The following SBF1 variants were observed in gnomAD, a reference collection of about 807,000 sequenced individuals.
SBF1 encodes the protein SET binding factor 1, also known as myotubularin-related protein 5.
Under a neutral mutation model 215.8 loss-of-function variants are expected in SBF1, and 65 were observed. That is an observed-to-expected ratio of 0.30 (90% CI 0.25 to 0.37). The LOEUF (loss-of-function observed/expected upper bound fraction) is 0.37. SBF1 is among the 10% of genes least tolerant of loss of function. SBF1 has a pLI of 1.00. For missense variants in SBF1, 2,634 were observed against 2,667.8 expected, an observed-to-expected ratio of 0.99 and a Z score of 0.28; for synonymous variants, 1,410 against 1,122.8, an observed-to-expected ratio of 1.26 and a Z score of -5.11.
At chr22:50,473,616 G>C (rs547690196) in intron 1 of SBF1, among the ~76,000 whole-genome samples, 68 of 152,298 alleles carry the variant, frequency 4.5e-4, no homozygotes, top group African/African-American at 1.4e-3. Flanking sequence ...AGAGGCTTCA[G>C]GAAGTGTAGG....
At chr22:50,468,763 T>G (rs2067886321) in intron 1 of SBF1, among the ~76,000 whole-genome samples, 1 of 151,860 alleles carries the variant, frequency 6.6e-6, no homozygotes, top group Non-Finnish European at 1.5e-5. Context: ...AGGTCAACAC[T>G]TCGGGACTGT....
Position 50,474,928 on chromosome 22 carries a change from C to A in SBF1, c.-88G>T. ...CGGCGCGCTCATGGCCCGGCCCCGG[C>A]CCTGGACCGCGCACCCCGGACACCC... On this transcript the variant is annotated 5_prime_UTR_variant, in exon 1 of 41. Coordinates refer to ENST00000380817, the MANE Select transcript of SBF1 (RefSeq NM_002972.4). The A allele has an allele frequency of 1.0e-6, 1 of 978,354 alleles. No individual in the cohort carries two copies. Among genetic ancestry groups the A allele is most frequent in the Non-Finnish European group, 1.3e-6 (1 of 755,044 alleles). The allele number at this position is 978,354 out of a possible 1,614,324, so 60.6% of individuals were successfully genotyped here.
In SBF1 at chr22:50,462,062, C is replaced by T. The variant is rs1333518349; in HGVS notation, c.2454G>A (p.Glu818=). Residue 818 remains glutamate (E), a synonymous_variant, in exon 20 of 41, where the codon GAG becomes GAA. Coordinates refer to ENST00000380817, the MANE Select transcript of SBF1 (RefSeq NM_002972.4). ...CCACAGCCCCAGCTACGTCGCAGGT[C>T]TCTGCATCCTCGAAGCCGCTCTCCG... is the stretch of plus-strand genomic sequence containing the variant. ...YDTESGFEDA[E]TCDVAGAVVR... The T allele has an allele frequency of 6.2e-7, 1 of 1,614,176 alleles. No individual in the cohort carries two copies.
chr22:50,455,149 G>A lies in SBF1; in HGVS notation c.4555-7C>T, dbSNP rs375535341. On this transcript the variant is annotated splice_polypyrimidine_tract_variant and splice_region_variant and intron_variant, in intron 33 of 40. Transcript: ENST00000380817. ...TGGGGAACTGCAGGTGGACCTGCACGCCATGTGGGTCAGGGGCCAGGGCTC... is the reference window on the plus strand; with the variant it reads ...TGGGGAACTGCAGGTGGACCTGCACACCATGTGGGTCAGGGGCCAGGGCTC... 1.4e-5 allele frequency: 23 copies of A among 1,613,956 alleles called. No homozygotes were observed. The highest frequency in any genetic ancestry group is 2.2e-5 in the East Asian group (1 of 44,888).
rs1022428202 is a variant in SBF1 at position 50,474,832 on chromosome 22, C to T, written c.9G>A (p.Arg3=). The T allele has an allele frequency of 7.6e-5, 109 of 1,437,718 alleles. No homozygotes were observed. Among genetic ancestry groups the T allele is most frequent in the Non-Finnish European group, 9.4e-5 (103 of 1,097,764 alleles). 89.1% of individuals were successfully genotyped at this position (1,437,718 alleles called of 1,614,324 possible). The change falls in exon 1 of 41, where the codon CGG becomes CGA. Residue 3 remains arginine, a synonymous_variant. Coordinates refer to ENST00000380817, the MANE Select transcript of SBF1 (RefSeq NM_002972.4). The part of the protein sequence containing the change: MA[R]LADYFVLVAF... Reference sequence around the variant, plus strand: ...CCACCAGCACGAAGTAGTCCGCGAGCCGCGCCATGGCGAGGGACGCGGGGC... The same window carrying T: ...CCACCAGCACGAAGTAGTCCGCGAGTCGCGCCATGGCGAGGGACGCGGGGC...
intron 2 of SBF1, among the ~76,000 whole-genome samples, 176 bp downstream of exon 2, chr22:50,468,200 A>C (rs2067858056): frequency 6.6e-6 from 1 of 152,168 alleles, no homozygotes; most frequent in Non-Finnish European, 1.5e-5. Flanking sequence ...TGACATGAGC[A>C]CCGCACAGGC....
At chr22:50,459,745 G>C in intron 26 of SBF1, 79 bp from the exon 27 acceptor site, 7 of 1,442,006 alleles carry the variant, frequency 4.9e-6, no homozygotes, top group Non-Finnish European at 6.5e-6. Flanking sequence ...GGCAAGAGGA[G>C]CCAGCCCATG....
intron 31 of SBF1, chr22:50,455,922 G>C (rs370815554): frequency 1.1e-5 from 6 of 556,678 alleles, no homozygotes; most frequent in Non-Finnish European, 1.9e-5. Context: ...ATGCAGCAGG[G>C]GCCCAGAACC....
Position 50,474,849 on chromosome 22 carries a change from A to G in SBF1, c.-9T>C, listed in dbSNP as rs2068122631. ...TCCGCGAGCCGCGCCATGGCGAGGG[A>G]CGCGGGGCGGCCCGAGGGGCGCGGG... On this transcript the variant is annotated 5_prime_UTR_variant, in exon 1 of 41. Coordinates refer to ENST00000380817, the MANE Select transcript of SBF1 (RefSeq NM_002972.4). 2 of 1,413,276 alleles carry G rather than the reference A, an allele frequency of 1.4e-6. No homozygotes were observed. Among genetic ancestry groups the G allele is most frequent in the Non-Finnish European group, 1.8e-6 (2 of 1,085,794 alleles). The allele number at this position is 1,413,276 out of a possible 1,614,324, so 87.5% of individuals were successfully genotyped here. A position where few individuals can be genotyped will look rare whatever the true frequency, so the allele number is the denominator to read the frequency against.
At chr22:50,473,898 G>C (rs1413655462) in intron 1 of SBF1, among the ~76,000 whole-genome samples, 4 of 152,210 alleles carry the variant, frequency 2.6e-5, no homozygotes, top group Admixed American at 2.6e-4. Context: ...TCTACAGATG[G>C]GGGCAACACC....
rs534526180 is a variant in SBF1, at chr22:50,466,783, C to T, written c.550-73G>A. ...CCAGAGTCAGCCCAGAGCTCTGTGT[C>T]CCCAGGCAGACCCTGGTGTACTGAC... On this transcript the variant is annotated intron_variant, in intron 5 of 40. Transcript: ENST00000380817. The T allele has an allele frequency of 1.9e-5, 21 of 1,082,998 alleles. 1 individual carries two copies. The Middle Eastern group carries it at 8.3e-4, about 43-fold the overall frequency. 67.1% of individuals were successfully genotyped at this position (1,082,998 alleles called of 1,614,324 possible). A position where few individuals can be genotyped will look rare whatever the true frequency, so the allele number is the denominator to read the frequency against.
At position 50,462,635 on chromosome 22, in the gene SBF1, GC is replaced by G. The variant is rs1330916917; in HGVS notation, c.2050del (p.Ala684ProfsTer41). 1 of 1,612,680 alleles carries G rather than the reference GC, an allele frequency of 6.2e-7. No homozygotes were observed. The highest frequency in any genetic ancestry group is 8.5e-7 in the Non-Finnish European group (1 of 1,179,792). ...VVWSTPQFWE[A>X]MFYGDVQTHI... The stretch of plus-strand genomic sequence containing the variant: ...AGTCTGCACATCCCCATAGAACATG[GC>G]CTCCCAGAACTGTGGCGTGCTCCAC... On this transcript the variant is annotated frameshift_variant, in exon 18 of 41. Transcript: ENST00000380817. LOFTEE classifies it high-confidence loss of function.
intron 29 of SBF1, 124 bp downstream of exon 29, chr22:50,456,910 C>G: frequency 1.2e-6 from 1 of 864,436 alleles, no homozygotes; most frequent in Middle Eastern, 2.3e-4. Flanking sequence ...GACTGGGGCT[C>G]GGGAGACGGG....
intron 23 of SBF1, 97 bp from the exon 24 acceptor site, chr22:50,460,809 A>C (rs771009850): frequency 5.9e-5 from 79 of 1,338,812 alleles, no homozygotes; most frequent in Non-Finnish European, 7.4e-5. Context: ...CGCAGCCATG[A>C]CAGAGAGAGA....
At position 50,460,476 on chromosome 22, in the gene SBF1, G is replaced by T. The variant is rs911092935; in HGVS notation, c.3146+58C>A. ...AAAGATGAGCACAGGGGCCTAGGAG[G>T]GTTGGAGCGGGAACACGGCTGAGGC... On this transcript the variant is annotated intron_variant, in intron 24 of 40. Coordinates refer to ENST00000380817, the MANE Select transcript of SBF1 (RefSeq NM_002972.4). 5 of 1,608,122 alleles carry T rather than the reference G, an allele frequency of 3.1e-6. No homozygotes were observed. The African/African-American group carries it at 6.7e-5, about 21-fold the overall frequency.
chr22:50,471,434 A>G (rs1375231844), intron 1 of SBF1, among the ~76,000 whole-genome samples: 1 of 152,232 alleles, frequency 6.6e-6, no homozygotes, highest in Non-Finnish European at 1.5e-5. Context: ...GGCCCAGGCC[A>G]GCGTGTGCTG....
intron 17 of SBF1, 45 bp from the exon 18 acceptor site, chr22:50,462,762 G>A: frequency 6.2e-7 from 1 of 1,609,424 alleles, no homozygotes; most frequent in Admixed American, 1.7e-5. Context: ...AGCCAGGAAG[G>A]GCGGCTGGGA....
chr22:50,464,385 C>G lies in SBF1; in HGVS notation c.1693G>C (p.Val565Leu), dbSNP rs1473549040. The change falls in exon 15 of 41, where the codon GTT (valine) becomes CTT (leucine). Residue 565 changes from valine to leucine, a missense_variant. Physicochemically the swap from Val to Leu is conservative, Grantham distance 32. Coordinates refer to ENST00000380817, the MANE Select transcript of SBF1 (RefSeq NM_002972.4). ...LHVNSARRLE[V>L]VRNCISYVFE... ...ACGTAGGAGATGCAGTTGCGCACAA[C>G]CTCCAGCCGCCGGGCGCTGTTGACA... 4.3e-6 allele frequency: 7 copies of G among 1,614,012 alleles called. No homozygotes were observed. The highest frequency in any genetic ancestry group is 5.9e-6 in the Non-Finnish European group (7 of 1,180,038).
intron 1 of SBF1, among the ~76,000 whole-genome samples, chr22:50,472,298 A>C (rs1395488303): frequency 6.6e-6 from 1 of 152,174 alleles, no homozygotes; most frequent in Non-Finnish European, 1.5e-5. Context: ...GGCAGGACTC[A>C]TGCACCCTCA....
Sources: allele counts gnomAD v4.1 joint callset (sites outside exome capture counted in the v4.1 genomes callset), GRCh38; gene constraint gnomAD v4.1.1; transcripts MANE v1.5; gene names NCBI Gene and HGNC (gene_info 2026-07-23, HGNC 2026-07-21).